Variants in ASH1L observed in about 807,000 individuals in gnomAD.
ASH1L encodes the protein histone-lysine N-methyltransferase ASH1L.
ASH1L carries 23 observed loss-of-function variants against 269.0 expected under a neutral mutation model. The ratio of observed to expected loss-of-function variants is 0.09; its 90% CI spans 0.06 to 0.12. The LOEUF is 0.12. Among genes scored for constraint, ASH1L ranks in the 10% least tolerant of loss-of-function variants. The pLI, the probability that ASH1L is intolerant of heterozygous loss-of-function variation, is 1.00. For synonymous variants in ASH1L, 1,187 were observed against 1,253.5 expected (o/e 0.95, Z 1.12); for missense variants, 2,912 against 3,567.8 (o/e 0.82, Z 4.68).
intron 8 of ASH1L, 104 bp from the exon 9 acceptor site, chr1:155,378,652 T>A: frequency 1.1e-6 from 1 of 876,440 alleles, no homozygotes; most frequent in Non-Finnish European, 1.8e-6. Flanking sequence ...GCTCTGCTCA[T>A]CTGGAAATAT....
intron 5 of ASH1L, among the ~76,000 whole-genome samples, chr1:155,417,935 G>T (rs1660349760): frequency 6.6e-6 from 1 of 150,952 alleles, no homozygotes; most frequent in South Asian, 2.1e-4. Context: ...TCCAGCCTGG[G>T]TGACAAGAGC....
intron 2 of ASH1L, among the ~76,000 whole-genome samples, chr1:155,496,681 T>C (rs985785578): frequency 3.9e-5 from 6 of 152,162 alleles, no homozygotes; most frequent in African/African-American, 1.2e-4. Flanking sequence ...CTCTGTCACA[T>C]AGGCTGGAGT....
intron 12 of ASH1L, 37 bp from the exon 13 acceptor site, chr1:155,360,446 A>ATTTT: frequency 5.3e-6 from 6 of 1,123,898 alleles, no homozygotes; most frequent in African/African-American, 1.6e-5. Flanking sequence ...AAGGCTGGAA[A>ATTTT]TTTTTTTTTT....
chr1:155,510,392 C>A (rs1046833752), intron 2 of ASH1L, among the ~76,000 whole-genome samples: 1 of 121,034 alleles, frequency 8.3e-6, no homozygotes, highest in South Asian at 2.5e-4. Context: ...CAAGCCTGGA[C>A]GACAGAGCAA....
intron 2 of ASH1L, among the ~76,000 whole-genome samples, chr1:155,494,195 GATCC>G (rs1666997389): frequency 6.6e-6 from 1 of 152,172 alleles, no homozygotes; most frequent in Non-Finnish European, 1.5e-5. Flanking sequence ...GACAAAGATG[GATCC>G]ATGTAGGTAT....
At chr1:155,361,518 C>CAAAAAAAAA (rs1161207568) in intron 12 of ASH1L, among the ~76,000 whole-genome samples, 16 of 36,402 alleles carry the variant, frequency 4.4e-4, no homozygotes, top group African/African-American at 2.0e-3. Context: ...CTCCATCTCA[C>CAAAAAAAAA]AAAAAAAAAA....
At chr1:155,354,908 A>T (rs1654235918) in intron 15 of ASH1L, among the ~76,000 whole-genome samples, 1 of 152,200 alleles carries the variant, frequency 6.6e-6, no homozygotes, top group Admixed American at 6.6e-5. Context: ...ATTTGTACAA[A>T]TTCTAAATAT....
chr1:155,452,042 A>AT (rs562050378), intron 4 of ASH1L, among the ~76,000 whole-genome samples: 6,611 of 138,450 alleles, frequency 0.048, 185 homozygotes, highest in Middle Eastern at 0.078. Flanking sequence ...TAAGATGGTA[A>AT]TTTTTTTTTT....
chr1:155,345,082 G>A (rs780990808), intron 21 of ASH1L, among the ~76,000 whole-genome samples: 8 of 151,206 alleles, frequency 5.3e-5, no homozygotes, highest in Non-Finnish European at 4.4e-5. Flanking sequence ...TTAGCCTCCC[G>A]AGTAGCTGGG....
At chr1:155,418,808 G>A (rs546231937) in intron 5 of ASH1L, among the ~76,000 whole-genome samples, 5 of 152,272 alleles carry the variant, frequency 3.3e-5, no homozygotes, top group East Asian at 1.9e-4. Flanking sequence ...AGTGGCTCAC[G>A]CCTGTAATCC....
At chr1:155,510,922 A>G (rs1187748970) in intron 2 of ASH1L, among the ~76,000 whole-genome samples, 2 of 152,172 alleles carry the variant, frequency 1.3e-5, no homozygotes, top group Non-Finnish European at 2.9e-5. Flanking sequence ...TATATAGCAA[A>G]ATATTACCCA....
At position 155,431,307 on chromosome 1, in the gene ASH1L, T is replaced by G. The variant is rs537273907; in HGVS notation, c.5828+7020A>C. ...TCTTGCTATAATATATATGTATTTT[T>G]AGAGGCAAGGTCACACTCTGTCACC... On this transcript the variant is annotated intron_variant, in intron 5 of 27. Coordinates refer to ENST00000392403, the MANE Select transcript of ASH1L (RefSeq NM_018489.3). 2.6e-5 allele frequency among the ~76,000 whole-genome samples: 4 copies of G among 151,976 alleles called. No homozygotes were observed. In the South Asian group the frequency reaches 8.3e-4, roughly 32 times the overall value.
chr1:155,562,820 A>G (rs1340452036), upstream of ASH1L: 2 of 444,888 alleles, frequency 4.5e-6, no homozygotes, highest in Non-Finnish European at 4.2e-6. Context: ...CTCCTCCTCC[A>G]CCTCCTCTTC....
chr1:155,532,851 ATATGCACACATATATATG>A (rs1433333019), intron 1 of ASH1L, among the ~76,000 whole-genome samples: 2 of 148,974 alleles, frequency 1.3e-5, no homozygotes, highest in African/African-American at 4.9e-5. Context: ...ATATATATAT[ATATGCACACATATATATG>A]TGTATATATA....
At chr1:155,502,095 G>C (rs1170492710) in intron 2 of ASH1L, among the ~76,000 whole-genome samples, 1 of 133,112 alleles carries the variant, frequency 7.5e-6, no homozygotes, top group Non-Finnish European at 1.6e-5. Flanking sequence ...TTTTGAGACA[G>C]AGTCTCACAC....
chr1:155,374,366 T>C (rs1197579254), intron 10 of ASH1L, among the ~76,000 whole-genome samples: 2 of 152,004 alleles, frequency 1.3e-5, no homozygotes, highest in African/African-American at 2.4e-5. Context: ...AAAGAAAATA[T>C]ATAACAGTTT....
chr1:155,463,271 A>G (rs1558132165), intron 3 of ASH1L, among the ~76,000 whole-genome samples: 1 of 151,896 alleles, frequency 6.6e-6, no homozygotes, highest in Non-Finnish European at 1.5e-5. Context: ...TACATGGACT[A>G]TGGAGTAAAG....
At chr1:155,472,908 G>A (rs1665215546) in intron 3 of ASH1L, among the ~76,000 whole-genome samples, 1 of 152,108 alleles carries the variant, frequency 6.6e-6, no homozygotes, top group Non-Finnish European at 1.5e-5. Flanking sequence ...GTTCCTCAGA[G>A]CTACCCAAGG....
intron 4 of ASH1L, among the ~76,000 whole-genome samples, chr1:155,441,528 A>T (rs538571767): frequency 0.021 from 2,896 of 140,304 alleles, 100 homozygotes; most frequent in African/African-American, 0.073. Context: ...AGTGGCATGA[A>T]CTTGGCTCAC....
Sources: gnomAD v4.1 joint callset for allele counts (sites outside exome capture counted in the v4.1 genomes callset) on GRCh38, gnomAD v4.1.1 for gene constraint, MANE v1.5 for transcripts, NCBI Gene and HGNC (gene_info 2026-07-23, HGNC 2026-07-21) for gene names.